Variants in GABRB1 observed in about 807,000 individuals in gnomAD.
GABRB1 encodes gamma-aminobutyric acid type A receptor subunit beta1.
Under a neutral mutation model 51.6 loss-of-function variants are expected in GABRB1, and 17 were observed. The ratio of observed to expected loss-of-function variants is 0.33; its 90% confidence interval spans 0.23 to 0.49. The LOEUF (loss-of-function observed/expected upper bound fraction) is 0.49. GABRB1 is among the 20% of genes least tolerant of loss of function. GABRB1 has a pLI of 0.99. For missense variants in GABRB1, 410 were observed against 600.6 expected (o/e 0.68, Z 3.32); for synonymous variants, 247 against 218.9 (o/e 1.13, Z -1.14).
chr4:47,019,674 TCTTTC>T (rs1724862917), intron 1 of GABRB1, among the ~76,000 whole-genome samples: 1 of 147,242 alleles, frequency 6.8e-6, no homozygotes, highest in Non-Finnish European at 1.5e-5. Flanking sequence ...TTTCTTTCTT[TCTTTC>T]CTTCTTTCCT....
chr4:47,176,333 A>C (rs13140979), intron 4 of GABRB1, among the ~76,000 whole-genome samples: 102,505 of 151,776 alleles, frequency 0.68, 35,729 homozygotes, highest in Middle Eastern at 0.85. Flanking sequence ...AGAAGGACAC[A>C]GTTATTGAGA....
chr4:47,058,384 A>T (rs1410526462), intron 3 of GABRB1, among the ~76,000 whole-genome samples: 1 of 152,218 alleles, frequency 6.6e-6, no homozygotes, highest in East Asian at 1.9e-4. Context: ...GCATAAACAG[A>T]TCTTTTAAAA....
At chr4:47,098,837 C>T (rs966500122) in intron 3 of GABRB1, among the ~76,000 whole-genome samples, 8 of 151,950 alleles carry the variant, frequency 5.3e-5, no homozygotes, top group Non-Finnish European at 1.2e-4. Context: ...GTTTTTATTC[C>T]ATAATAACCT....
chr4:47,074,182 AC>A (rs1257891446), intron 3 of GABRB1, among the ~76,000 whole-genome samples: 2 of 152,218 alleles, frequency 1.3e-5, no homozygotes, highest in Non-Finnish European at 2.9e-5. Flanking sequence ...TATAGAAAAA[AC>A]ATCCCTACAA....
intron 5 of GABRB1, among the ~76,000 whole-genome samples, chr4:47,386,842 T>C (rs914563508): frequency 6.6e-6 from 1 of 152,212 alleles, no homozygotes; most frequent in Middle Eastern, 3.2e-3. Flanking sequence ...GGAAGCAGCT[T>C]GATGTTTCTA....
intron 8 of GABRB1, among the ~76,000 whole-genome samples, chr4:47,409,246 C>A (rs1239702668): frequency 6.6e-6 from 1 of 152,148 alleles, no homozygotes; most frequent in Non-Finnish European, 1.5e-5. Context: ...TAAGTGTTAA[C>A]CAGCTCAGTG....
intron 3 of GABRB1, among the ~76,000 whole-genome samples, chr4:47,121,918 T>C (rs1011231951): frequency 6.6e-6 from 1 of 152,224 alleles, no homozygotes; most frequent in African/African-American, 2.4e-5. Flanking sequence ...AAAGCTTCTG[T>C]TTTTACTACT....
intron 5 of GABRB1, among the ~76,000 whole-genome samples, chr4:47,397,513 T>A (rs1401653456): frequency 1.3e-5 from 2 of 152,198 alleles, no homozygotes; most frequent in African/African-American, 4.8e-5. Context: ...GTTGTAAGTA[T>A]TGAGATTGTA....
intron 4 of GABRB1, among the ~76,000 whole-genome samples, chr4:47,279,708 C>T (rs1351910996): frequency 6.6e-6 from 1 of 151,828 alleles, no homozygotes; most frequent in East Asian, 1.9e-4. Context: ...ATCTATTTTG[C>T]TTATATAATT....
At chr4:47,259,440 T>C (rs1722337697) in intron 4 of GABRB1, among the ~76,000 whole-genome samples, 1 of 152,182 alleles carries the variant, frequency 6.6e-6, no homozygotes, top group South Asian at 2.1e-4. Flanking sequence ...TAAAAGTCAA[T>C]AATGTTTATA....
chr4:47,322,211 T>C (rs1168302365), intron 5 of GABRB1, among the ~76,000 whole-genome samples: 1 of 152,164 alleles, frequency 6.6e-6, no homozygotes, highest in African/African-American at 2.4e-5. Context: ...CCCAGGCATA[T>C]GACAATCATT....
intron 4 of GABRB1, among the ~76,000 whole-genome samples, chr4:47,256,470 T>C (rs1186973180): frequency 2.6e-5 from 4 of 152,230 alleles, no homozygotes; most frequent in African/African-American, 9.6e-5. Context: ...TACAAGGAAC[T>C]GCACTACACG....
intron 5 of GABRB1, among the ~76,000 whole-genome samples, chr4:47,379,358 C>CA (rs1727513096): frequency 6.6e-6 from 1 of 152,090 alleles, no homozygotes; most frequent in Admixed American, 6.6e-5. Flanking sequence ...TACAGCCATT[C>CA]AGTTTTTCAT....
rs537447689 is a variant in GABRB1, at chr4:47,350,479, C to A, written c.544+30270C>A. ...GCCACTTATGCGGGTCATTACATTA[C>A]CCTATGCCTCAATTGCTTCATCTAT... On this transcript the variant is annotated intron_variant, in intron 5 of 8. Coordinates refer to ENST00000295454, the MANE Select transcript of GABRB1 (RefSeq NM_000812.4). Among the ~76,000 whole-genome samples the A allele has an allele frequency of 8.6e-4, 130 of 151,792 alleles. 1 individual carries two copies. Among genetic ancestry groups the A allele is most frequent in the African/African-American group, 3.0e-3 (124 of 41,436 alleles).
At chr4:47,347,299 A>T (rs1726137171) in intron 5 of GABRB1, among the ~76,000 whole-genome samples, 1 of 151,794 alleles carries the variant, frequency 6.6e-6, no homozygotes, top group Admixed American at 6.6e-5. Context: ...AATAATAATA[A>T]TAATTAATAA....
At chr4:47,287,143 G>C (rs1723540693) in intron 4 of GABRB1, among the ~76,000 whole-genome samples, 1 of 152,322 alleles carries the variant, frequency 6.6e-6, no homozygotes, top group Admixed American at 6.5e-5. Flanking sequence ...AAGAGAGAGA[G>C]AGAGAGATGT....
At chr4:47,247,631 T>C (rs1721817011) in intron 4 of GABRB1, among the ~76,000 whole-genome samples, 2 of 152,148 alleles carry the variant, frequency 1.3e-5, no homozygotes, top group Admixed American at 1.3e-4. Context: ...ATTTTCACAA[T>C]ATTGATTCTA....
chr4:46,995,763 A>T (rs1723975803), intron 1 of GABRB1, among the ~76,000 whole-genome samples: 1 of 152,246 alleles, frequency 6.6e-6, no homozygotes, highest in African/African-American at 2.4e-5. Context: ...CAAAAAATTA[A>T]GAAACCAAAA....
In GABRB1 at chr4:47,103,178, G is replaced by T. The variant is rs937206453; in HGVS notation, c.241-58071G>T. On this transcript the variant is annotated intron_variant, in intron 3 of 8. Transcript: ENST00000295454. ...AGACATTCAAGACATTGAGTTTAAA[G>T]CAAATATTTTATATAAAAATTATGA... Among the ~76,000 whole-genome samples the T allele has an allele frequency of 2.5e-3, 386 of 152,018 alleles. 6 individuals are homozygous for T. Among genetic ancestry groups the T allele is most frequent in the Non-Finnish European group, 4.7e-4 (32 of 67,912 alleles).
Sources: allele counts gnomAD v4.1 joint callset (sites outside exome capture counted in the v4.1 genomes callset), GRCh38; gene constraint gnomAD v4.1.1; transcripts MANE v1.5; gene names NCBI Gene and HGNC (gene_info 2026-07-23, HGNC 2026-07-21).